Variants in DAZAP1 observed in about 807,000 individuals in gnomAD.
DAZAP1 encodes the protein DAZ associated protein 1, also known as DAZ-associated protein 1.
Under a neutral mutation model 60.1 loss-of-function variants are expected in DAZAP1, and 6 were observed. The ratio of observed to expected loss-of-function variants is 0.10; its 90% confidence interval spans 0.05 to 0.20. The LOEUF (loss-of-function observed/expected upper bound fraction) is 0.20. DAZAP1 is among the 10% of genes least tolerant of loss of function. The probability of loss-of-function intolerance (pLI) is 1.00; values close to 1 mark genes in which losing one functional copy is unlikely to be tolerated. For synonymous variants in DAZAP1, 235 were observed against 215.9 expected (o/e 1.09, Z -0.78); for missense variants, 366 against 560.4 (o/e 0.65, Z 3.50).
rs73920482 is a variant in DAZAP1, at chr19:1,419,243, C to T, written c.303+512C>T. On this transcript the variant is annotated intron_variant, in intron 4 of 11. Coordinates refer to ENST00000233078, the MANE Select transcript of DAZAP1 (RefSeq NM_018959.4). Reference sequence around the variant, plus strand: ...TTGGCATTTGGGTCTCACCACCACCCACACCTCACCTTCCTCCAGCCCTGC... The same window carrying T: ...TTGGCATTTGGGTCTCACCACCACCTACACCTCACCTTCCTCCAGCCCTGC... Among the ~76,000 whole-genome samples, 584 of 152,338 alleles carry T rather than the reference C, an allele frequency of 3.8e-3. 2 individuals carry two copies. Among genetic ancestry groups the T allele is most frequent in the African/African-American group, 0.013 (558 of 41,578 alleles).
Position 1,425,294 on chromosome 19 carries a change from A to G in DAZAP1, c.464-584A>G, listed in dbSNP as rs955345961. Among the ~76,000 whole-genome samples, 45 of 152,204 alleles carry G rather than the reference A, an allele frequency of 3.0e-4. No individual in the cohort carries two copies. The highest frequency in any genetic ancestry group is 4.4e-5 in the Non-Finnish European group (3 of 68,040). ...ATCTGTTAACGCTTTAGAACGATAT[A>G]TGGCTGCTGTCAGCACTAGCTGCAA... On this transcript the variant is annotated intron_variant, in intron 6 of 11. Transcript: ENST00000233078. The surrounding 1 kb of genome is among the most constrained non-coding windows in gnomAD (Gnocchi z 5.4).
chr19:1,431,663 A>G (rs1054533086), intron 10 of DAZAP1, among the ~76,000 whole-genome samples: 2 of 152,234 alleles, frequency 1.3e-5, no homozygotes, highest in Non-Finnish European at 2.9e-5. Context: ...TCCTGACCTC[A>G]GCGCATCCAG....
chr19:1,420,366 A>G (rs2083118501), intron 4 of DAZAP1, among the ~76,000 whole-genome samples: 1 of 143,100 alleles, frequency 7.0e-6, no homozygotes, highest in Admixed American at 7.0e-5. Flanking sequence ...CACTCACCCC[A>G]CGCGCACACT....
chr19:1,424,246 A>G (rs1291839031), intron 6 of DAZAP1, among the ~76,000 whole-genome samples: 2 of 150,596 alleles, frequency 1.3e-5, no homozygotes, highest in Admixed American at 6.6e-5. Context: ...TTCGCCTCTC[A>G]GTCCCCTCAG....
At position 1,433,026 on chromosome 19, in the gene DAZAP1, G is replaced by A. The variant is rs1056807208; in HGVS notation, c.1048+336G>A. ...CTAGAGGTTCAGGCCCTCGGTGTGG[G>A]TCCCGGGTGCACTGGCCCCTTGGTG... is the stretch of plus-strand genomic sequence containing the variant. On this transcript the variant is annotated intron_variant, in intron 11 of 11. Coordinates refer to ENST00000233078, the MANE Select transcript of DAZAP1 (RefSeq NM_018959.4). The surrounding 1 kb of genome is among the most constrained non-coding windows in gnomAD (Gnocchi z 6.1). 7.4e-6 allele frequency: 2 copies of A among 271,550 alleles called. No individual in the cohort carries two copies. Among genetic ancestry groups the A allele is most frequent in the Non-Finnish European group, 1.4e-5 (2 of 142,542 alleles). The allele number at this position is 271,550 out of a possible 1,614,324, so 16.8% of individuals were successfully genotyped here. A position where few individuals can be genotyped will look rare whatever the true frequency, so the allele number is the denominator to read the frequency against.
In DAZAP1 at chr19:1,424,296, C is replaced by T. The variant is rs117008624; in HGVS notation, c.464-1582C>T. ...GCGCTCCTCTCGCTGTGTGCCTTGC[C>T]TTCCTGGTCCCTCCTCCTCTTCCTC... On this transcript the variant is annotated intron_variant, in intron 6 of 11. Transcript: ENST00000233078. 2.7e-4 allele frequency among the ~76,000 whole-genome samples: 40 copies of T among 150,680 alleles called. No individual in the cohort carries two copies. In the East Asian group the frequency reaches 7.8e-3, roughly 29 times the overall value.
chr19:1,419,229 G>A (rs2083076055), intron 4 of DAZAP1, among the ~76,000 whole-genome samples: 1 of 152,196 alleles, frequency 6.6e-6, no homozygotes, highest in South Asian at 2.1e-4. Context: ...TGGCATTTGG[G>A]TCTCACCACC....
At chr19:1,408,252 G>A (rs1382023560) in intron 1 of DAZAP1, among the ~76,000 whole-genome samples, 1 of 152,156 alleles carries the variant, frequency 6.6e-6, no homozygotes, top group Non-Finnish European at 1.5e-5. Context: ...CGGGAACTTG[G>A]GGGGGTCTGG....
At chr19:1,431,641 C>T (rs2083455420) in intron 10 of DAZAP1, among the ~76,000 whole-genome samples, 1 of 152,288 alleles carries the variant, frequency 6.6e-6, no homozygotes, top group Non-Finnish European at 1.5e-5. Context: ...GTTGGTCAGG[C>T]TGGTCTTGAA....
chr19:1,429,722 G>C (rs1479543351), intron 8 of DAZAP1, among the ~76,000 whole-genome samples: 3 of 152,234 alleles, frequency 2.0e-5, no homozygotes, highest in Admixed American at 1.3e-4. Context: ...GCCCCAGTCA[G>C]CAGACACAGT....
chr19:1,408,212 C>G (rs2082721022), intron 1 of DAZAP1, among the ~76,000 whole-genome samples: 1 of 152,184 alleles, frequency 6.6e-6, no homozygotes, highest in South Asian at 2.1e-4. Context: ...GGGGCCCCCG[C>G]CGCCGCTTCC....
Position 1,432,965 on chromosome 19 carries a change from C to T in DAZAP1, c.1048+275C>T, listed in dbSNP as rs769460498. The T allele has an allele frequency of 1.8e-5, 8 of 446,138 alleles. No homozygotes were observed. Among genetic ancestry groups the T allele is most frequent in the South Asian group, 9.7e-5 (3 of 31,084 alleles). The allele number at this position is 446,138 out of a possible 1,614,324, so 27.6% of individuals were successfully genotyped here. A position where few individuals can be genotyped will look rare whatever the true frequency, so the allele number is the denominator to read the frequency against. On this transcript the variant is annotated intron_variant, in intron 11 of 11. Transcript: ENST00000233078. This position sits in a 1 kb window ranked among gnomAD's most constrained non-coding sequence, Gnocchi z 4.9. Reference sequence around the variant, plus strand: ...GTGGGAACCTGAGTGGCGACTGGGTCGAGGGAAGTGAGTCGCAGGCAGCTG... The same window carrying T: ...GTGGGAACCTGAGTGGCGACTGGGTTGAGGGAAGTGAGTCGCAGGCAGCTG...
Position 1,434,777 on chromosome 19 carries a change from C to T in DAZAP1, c.1089C>T (p.Phe363=). 1.2e-6 allele frequency: 2 copies of T among 1,613,066 alleles called. No homozygotes were observed. The highest frequency in any genetic ancestry group is 8.5e-7 in the Non-Finnish European group (1 of 1,179,542). The change falls in exon 12 of 12, where the codon TTC becomes TTT. Residue 363 remains phenylalanine, a synonymous_variant. Coordinates refer to ENST00000233078, the MANE Select transcript of DAZAP1 (RefSeq NM_018959.4). The surrounding 1 kb of genome is among the most constrained non-coding windows in gnomAD (Gnocchi z 8.0). ...GQDLSGFGQG[F]SDPSQQPPSY... ...ACTTGAGTGGCTTCGGACAGGGCTTCTCAGACCCCAGCCAGCAGCCTCCTT... is the reference window on the plus strand; with the variant it reads ...ACTTGAGTGGCTTCGGACAGGGCTTTTCAGACCCCAGCCAGCAGCCTCCTT...
rs2083517846 is a variant in DAZAP1, at chr19:1,433,729, C to T, written c.1049-1008C>T. ...CTTGGGTTGGTCACCCTGGTCTCGT[C>T]TCTTGCCAGGCCTGGGTTCCTATTC... is the stretch of plus-strand genomic sequence containing the variant. On this transcript the variant is annotated intron_variant, in intron 11 of 11. Coordinates refer to ENST00000233078, the MANE Select transcript of DAZAP1 (RefSeq NM_018959.4). This position sits in a 1 kb window ranked among gnomAD's most constrained non-coding sequence, Gnocchi z 6.1. 5.6e-6 allele frequency: 9 copies of T among 1,612,886 alleles called. No homozygotes were observed. Among genetic ancestry groups the T allele is most frequent in the Non-Finnish European group, 7.6e-6 (9 of 1,179,202 alleles).
Position 1,418,837 on chromosome 19 carries a change from G to A in DAZAP1, c.303+106G>A, listed in dbSNP as rs2083064327. The A allele has an allele frequency of 4.1e-6, 5 of 1,213,492 alleles. No individual in the cohort carries two copies. The highest frequency in any genetic ancestry group is 3.0e-5 in the South Asian group (2 of 67,342). 75.2% of individuals were successfully genotyped at this position (1,213,492 alleles called of 1,614,324 possible). The stretch of plus-strand genomic sequence containing the variant: ...GTCGCTCGTTAAGATTGAGGGCGAC[G>A]CAGGTCTTCTGGGTTGGCACTCGAG... On this transcript the variant is annotated intron_variant, in intron 4 of 11. Transcript: ENST00000233078. This position sits in a 1 kb window ranked among gnomAD's most constrained non-coding sequence, Gnocchi z 5.7.
chr19:1,433,864 G>A lies in DAZAP1; in HGVS notation c.1049-873G>A, dbSNP rs368851528. On this transcript the variant is annotated intron_variant, in intron 11 of 11. Coordinates refer to ENST00000233078, the MANE Select transcript of DAZAP1 (RefSeq NM_018959.4). This position sits in a 1 kb window ranked among gnomAD's most constrained non-coding sequence, Gnocchi z 6.1. ...CTCCTTCTCCAGGGTCCTCCCACCC[G>A]CCTGCACCGGGAGGTGGACGTGGCT... 6.2e-5 allele frequency: 97 copies of A among 1,575,550 alleles called. No homozygotes were observed. Among genetic ancestry groups the A allele is most frequent in the East Asian group, 2.5e-4 (11 of 44,644 alleles).
At chr19:1,430,019 A>G (rs1013914339) in intron 9 of DAZAP1, 23 bp downstream of exon 9, 1 of 1,575,100 alleles carries the variant, frequency 6.3e-7, no homozygotes, top group East Asian at 2.3e-5. Context: ...TTATAGAGCA[A>G]AGGCGGGGAC....
intron 1 of DAZAP1, among the ~76,000 whole-genome samples, chr19:1,414,915 G>A (rs1387126192): frequency 6.6e-6 from 1 of 151,356 alleles, no homozygotes; most frequent in East Asian, 1.9e-4. Context: ...CCTCGACCTT[G>A]ACTCAAACGA....
chr19:1,413,995 G>GTA (rs1470115848), intron 1 of DAZAP1, among the ~76,000 whole-genome samples: 1 of 143,662 alleles, frequency 7.0e-6, no homozygotes, highest in Non-Finnish European at 1.5e-5. Flanking sequence ...TGAACTGTGT[G>GTA]TGTGTGTGTG....
Sources: gnomAD v4.1 joint callset for allele counts (sites outside exome capture counted in the v4.1 genomes callset) on GRCh38, gnomAD v4.1.1 for gene constraint, Gnocchi (gnomAD v3.1) non-coding constraint, MANE v1.5 for transcripts, NCBI Gene and HGNC (gene_info 2026-07-23, HGNC 2026-07-21) for gene names.